Variants in LIMCH1 observed in about 807,000 individuals in gnomAD.
The protein encoded by LIMCH1 is LIM and calponin homology domains-containing protein 1.
A neutral mutation model predicts 176.5 loss-of-function variants in LIMCH1; 113 were observed. The observed-to-expected ratio is 0.64, with a 90% CI of 0.55 to 0.75. The LOEUF (loss-of-function observed/expected upper bound fraction) is 0.75, where lower values mean the gene tolerates loss of function less well. Among genes scored for constraint, LIMCH1 ranks in the 30% least tolerant of loss-of-function variants. LIMCH1 has a pLI of 0.00. For missense variants in LIMCH1, 1,674 were observed against 1,814.9 expected, an observed-to-expected ratio of 0.92 and a Z score of 1.41; for synonymous variants, 619 against 645.9, an observed-to-expected ratio of 0.96 and a Z score of 0.63.
At chr4:41,417,992 G>A (rs184257163) in intron 1 of LIMCH1, among the ~76,000 whole-genome samples, 92 of 152,292 alleles carry the variant, frequency 6.0e-4, no homozygotes, top group Non-Finnish European at 1.1e-3. Context: ...AAATGTTAAT[G>A]TAATTATTTG....
intron 1 of LIMCH1, among the ~76,000 whole-genome samples, chr4:41,460,458 C>CTATATCTATATATATATATATATA (rs2065174099): frequency 5.4e-5 from 6 of 110,548 alleles, no homozygotes. Flanking sequence ...TAGTAATCAT[C>CTATATCTATATATATATATATATA]TATATATATA....
At chr4:41,528,434 G>A (rs1057414017) in intron 3 of LIMCH1, among the ~76,000 whole-genome samples, 1 of 152,220 alleles carries the variant, frequency 6.6e-6, no homozygotes, top group African/African-American at 2.4e-5. Context: ...TAATGGGTTT[G>A]AAGATGGCAG....
chr4:41,361,312 A>G (rs1054044098), intron 1 of LIMCH1, among the ~76,000 whole-genome samples: 1 of 152,180 alleles, frequency 6.6e-6, no homozygotes, highest in African/African-American at 2.4e-5. Flanking sequence ...GCGAGCCCCC[A>G]GAGACTTCAC....
In LIMCH1 at chr4:41,631,572, T is replaced by G. The variant is rs181171784; in HGVS notation, c.1601+95T>G. 6.7e-6 allele frequency: 7 copies of G among 1,050,230 alleles called. No homozygotes were observed. The Admixed American group carries it at 2.1e-4, about 31-fold the overall frequency. 65.1% of individuals were successfully genotyped at this position (1,050,230 alleles called of 1,614,324 possible). A position where few individuals can be genotyped will look rare whatever the true frequency, so the allele number is the denominator to read the frequency against. On this transcript the variant is annotated intron_variant, in intron 10 of 31. Transcript: ENST00000503057. ...AGCACATTATACAAGCCCCTAGAGA[T>G]GACATAGTTTTAACAGACTATGTAT...
chr4:41,481,267 T>G (rs186713196), intron 1 of LIMCH1, among the ~76,000 whole-genome samples: 38 of 152,272 alleles, frequency 2.5e-4, no homozygotes, highest in Non-Finnish European at 5.0e-4. Flanking sequence ...CTATTGTTAT[T>G]AAAGAAAGTG....
chr4:41,633,717 G>A lies in LIMCH1; in HGVS notation c.1999G>A (p.Gly667Arg). Reference sequence around the variant, plus strand: ...AACTGGGATGTCCCTTAGACACACTGGATCCAACCCAAACCAGTTCCTTCC... The same window carrying A: ...AACTGGGATGTCCCTTAGACACACTAGATCCAACCCAAACCAGTTCCTTCC... Reference protein sequence around the residue: ...RRTGMSLRHTGSNPNQFLPVP... With the variant: ...RRTGMSLRHTRSNPNQFLPVP... Residue 667 changes from glycine to arginine, a missense_variant, in exon 13 of 32, where the codon GGA becomes AGA. Physicochemically the swap from Gly to Arg is moderately radical, Grantham distance 125. Around this residue, in one of 3 missense-constraint regions of LIMCH1, gnomAD observed 1,015 missense variants for 1,102.5 expected, o/e 0.92. Transcript: ENST00000503057. 1 of 1,536,164 alleles carries A rather than the reference G, an allele frequency of 6.5e-7. No homozygotes were observed. Among genetic ancestry groups the A allele is most frequent in the Non-Finnish European group, 8.7e-7 (1 of 1,146,926 alleles).
intron 1 of LIMCH1, among the ~76,000 whole-genome samples, chr4:41,370,014 G>T (rs2053727483): frequency 2.0e-5 from 3 of 150,038 alleles, no homozygotes; most frequent in African/African-American, 7.4e-5. Flanking sequence ...GACAGTCAGT[G>T]ATTGGACACT....
intron 1 of LIMCH1, among the ~76,000 whole-genome samples, chr4:41,590,367 G>A (rs557557152): frequency 6.6e-6 from 1 of 152,180 alleles, no homozygotes; most frequent in Non-Finnish European, 1.5e-5. Context: ...TTATAGGCAT[G>A]AACTACCACG....
chr4:41,459,929 G>A lies in LIMCH1; in HGVS notation c.97-34607G>A, dbSNP rs928574081. On this transcript the variant is annotated intron_variant, in intron 1 of 26. Coordinates refer to the LIMCH1 transcript ENST00000313860. The stretch of plus-strand genomic sequence containing the variant: ...TGCCACCTGAGGCGAAGATAGGGAA[G>A]GGAAGATTTCCTGCCTTTTCCACAC... 5.3e-5 allele frequency among the ~76,000 whole-genome samples: 8 copies of A among 152,198 alleles called. No individual in the cohort carries two copies. In the East Asian group the frequency reaches 1.2e-3, roughly 22 times the overall value.
At chr4:41,482,037 G>T (rs1423727248) in intron 1 of LIMCH1, among the ~76,000 whole-genome samples, 1 of 152,050 alleles carries the variant, frequency 6.6e-6, no homozygotes, top group Non-Finnish European at 1.5e-5. Flanking sequence ...TTTTAGTAGA[G>T]ATGGGGTTTC....
At chr4:41,586,170 G>A (rs977112418) in intron 1 of LIMCH1, among the ~76,000 whole-genome samples, 4 of 147,668 alleles carry the variant, frequency 2.7e-5, no homozygotes, top group Non-Finnish European at 4.5e-5. Context: ...GTGCAGTAGC[G>A]TGATCTCAGC....
rs533066715 is a variant in LIMCH1 at position 41,482,900 on chromosome 4, T to C, written c.97-11636T>C. Among the ~76,000 whole-genome samples, 12 of 152,240 alleles carry C rather than the reference T, an allele frequency of 7.9e-5. No homozygotes were observed. In the South Asian group the frequency reaches 1.9e-3, roughly 24 times the overall value. On this transcript the variant is annotated intron_variant, in intron 1 of 26. Coordinates refer to the LIMCH1 transcript ENST00000313860. ...TTGCCTAAGATGATTTAGCTTATGC[T>C]GGGGGGCTGAGAATATAAGGATTTT...
At chr4:41,457,594 A>G (rs2064776751) in intron 1 of LIMCH1, among the ~76,000 whole-genome samples, 1 of 152,174 alleles carries the variant, frequency 6.6e-6, no homozygotes. Flanking sequence ...TAAGTAGCTT[A>G]GCCCAAATCA....
chr4:41,673,919 C>T (rs60989153), intron 22 of LIMCH1, among the ~76,000 whole-genome samples: 11,171 of 152,214 alleles, frequency 0.073, 510 homozygotes, highest in South Asian at 0.14. Context: ...TGGTCATATG[C>T]ATATATTGGT....
intron 1 of LIMCH1, among the ~76,000 whole-genome samples, chr4:41,379,425 G>T (rs1204173476): frequency 3.3e-5 from 5 of 152,146 alleles, no homozygotes; most frequent in Non-Finnish European, 7.3e-5. Flanking sequence ...GTAGGACCTG[G>T]CTTCAGACTT....
At chr4:41,658,102 A>G (rs1319814162) in intron 18 of LIMCH1, among the ~76,000 whole-genome samples, 1 of 151,882 alleles carries the variant, frequency 6.6e-6, no homozygotes, top group East Asian at 1.9e-4. Flanking sequence ...CAGGGTTCCC[A>G]CCTCCCCTGC....
At chr4:41,435,615 T>C (rs2062009851) in intron 1 of LIMCH1, among the ~76,000 whole-genome samples, 1 of 152,244 alleles carries the variant, frequency 6.6e-6, no homozygotes, top group Non-Finnish European at 1.5e-5. Context: ...GAGTTCTATT[T>C]TATTTTTTCT....
chr4:41,493,973 G>C (rs985899944), intron 1 of LIMCH1, among the ~76,000 whole-genome samples: 3 of 152,112 alleles, frequency 2.0e-5, no homozygotes, highest in Non-Finnish European at 4.4e-5. Flanking sequence ...AGTCCCTGGA[G>C]GTTTCAGTAA....
At position 41,489,284 on chromosome 4, in the gene LIMCH1, A is replaced by AT. The variant is rs538764634; in HGVS notation, c.97-5247dup. 2.1e-4 allele frequency among the ~76,000 whole-genome samples: 32 copies of AT among 151,972 alleles called. No individual in the cohort carries two copies. The South Asian group carries it at 3.5e-3, about 17-fold the overall frequency. On this transcript the variant is annotated intron_variant, in intron 1 of 26. Coordinates refer to the LIMCH1 transcript ENST00000313860. ...CCCCCACCAGCTTTTGGTTTCTTTGATTTTTCCCTATTGTTTTTCAGTTTT... is the reference window on the plus strand; with the variant it reads ...CCCCCACCAGCTTTTGGTTTCTTTGATTTTTTCCCTATTGTTTTTCAGTTTT...
Sources: allele counts gnomAD v4.1 joint callset (sites outside exome capture counted in the v4.1 genomes callset), GRCh38; gene constraint gnomAD v4.1.1; regional missense constraint gnomAD v4.1.1; transcripts MANE v1.5; gene names NCBI Gene and HGNC (gene_info 2026-07-23, HGNC 2026-07-21).